Variants in RBM20 observed in about 807,000 individuals in gnomAD.
RBM20 encodes the protein RNA binding motif protein 20.
A neutral mutation model predicts 110.1 loss-of-function variants in RBM20; 51 were observed. The observed-to-expected ratio is 0.46, with a 90% CI of 0.37 to 0.59. The LOEUF (loss-of-function observed/expected upper bound fraction) is 0.59, where lower values mean the gene tolerates loss of function less well. RBM20 is among the 20% of genes least tolerant of loss of function. The pLI is 0.00. For synonymous variants in RBM20, 589 were observed against 618.2 expected, an observed-to-expected ratio of 0.95 and a Z score of 0.70; for missense variants, 1,512 against 1,574.9, an observed-to-expected ratio of 0.96 and a Z score of 0.68.
At chr10:110,787,319 C>T (rs1844430750) in intron 5 of RBM20, among the ~76,000 whole-genome samples, 1 of 152,232 alleles carries the variant, frequency 6.6e-6, no homozygotes, top group South Asian at 2.1e-4. Context: ...CCAGTATTGT[C>T]CTGCCCTTGT....
chr10:110,740,390 G>A (rs965010381), intron 1 of RBM20, among the ~76,000 whole-genome samples: 1 of 152,184 alleles, frequency 6.6e-6, no homozygotes, highest in Non-Finnish European at 1.5e-5. Context: ...GGGCAGAAGT[G>A]GCCCCTGGGG....
intron 1 of RBM20, among the ~76,000 whole-genome samples, chr10:110,728,631 G>T (rs796478409): frequency 4.1e-4 from 62 of 152,228 alleles, no homozygotes; most frequent in African/African-American, 1.3e-3. Context: ...TATTATCAGG[G>T]TGTGTTTTTG....
chr10:110,721,529 G>C (rs1225385348), intron 1 of RBM20, among the ~76,000 whole-genome samples: 1 of 152,152 alleles, frequency 6.6e-6, no homozygotes, highest in African/African-American at 2.4e-5. Flanking sequence ...GTTTGGGTCT[G>C]TCCAGGCATC....
intron 1 of RBM20, among the ~76,000 whole-genome samples, chr10:110,645,716 A>G (rs1861858676): frequency 6.6e-6 from 1 of 152,222 alleles, no homozygotes; most frequent in African/African-American, 2.4e-5. Flanking sequence ...TATCTAATAG[A>G]AAGAATTGTG....
At chr10:110,757,921 G>A (rs111250305) in intron 1 of RBM20, among the ~76,000 whole-genome samples, 29 of 148,870 alleles carry the variant, frequency 1.9e-4, no homozygotes, top group Middle Eastern at 3.5e-3. Flanking sequence ...CCTACTGTGA[G>A]TTGTTTATTC....
chr10:110,826,531 T>C (rs1054690555), intron 12 of RBM20, among the ~76,000 whole-genome samples: 2 of 152,160 alleles, frequency 1.3e-5, no homozygotes, highest in Non-Finnish European at 2.9e-5. Flanking sequence ...CTCAACATCA[T>C]TGAGATTCAT....
intron 1 of RBM20, among the ~76,000 whole-genome samples, chr10:110,767,208 G>A (rs1285576681): frequency 3.5e-4 from 44 of 126,834 alleles, no homozygotes; most frequent in African/African-American, 1.3e-3. Context: ...TGGCCGGGCG[G>A]GGGGGCTGAC....
intron 1 of RBM20, among the ~76,000 whole-genome samples, chr10:110,779,571 G>A (rs181803323): frequency 4.6e-5 from 7 of 152,350 alleles, no homozygotes; most frequent in Admixed American, 4.6e-4. Flanking sequence ...TCAGAAGCAT[G>A]AGTAAAACAA....
At chr10:110,828,332 A>T (rs1845007928) in intron 12 of RBM20, among the ~76,000 whole-genome samples, 1 of 152,124 alleles carries the variant, frequency 6.6e-6, no homozygotes, top group African/African-American at 2.4e-5. Flanking sequence ...GCCATGGGAT[A>T]TGTGGTGTCT....
At chr10:110,762,734 C>T (rs1844022959) in intron 1 of RBM20, among the ~76,000 whole-genome samples, 1 of 152,314 alleles carries the variant, frequency 6.6e-6, no homozygotes, top group South Asian at 2.1e-4. Flanking sequence ...TTTTTAACCA[C>T]TGCACATCAC....
Position 110,744,899 on chromosome 10 carries a change from T to C in RBM20, c.192-35902T>C, listed in dbSNP as rs376553655. On this transcript the variant is annotated intron_variant, in intron 1 of 13. Coordinates refer to ENST00000369519, the MANE Select transcript of RBM20 (RefSeq NM_001134363.3). ...CACCATGTGGGTCAAGAGGCTTGTGTTCAGGACAGCTGAAGGGATGGCCTT... is the reference window on the plus strand; with the variant it reads ...CACCATGTGGGTCAAGAGGCTTGTGCTCAGGACAGCTGAAGGGATGGCCTT... 4.1e-4 allele frequency among the ~76,000 whole-genome samples: 62 copies of C among 152,308 alleles called. 2 individuals carry two copies. The South Asian group carries it at 0.012, about 30-fold the overall frequency.
intron 1 of RBM20, among the ~76,000 whole-genome samples, chr10:110,729,494 A>G (rs1214865286): frequency 6.6e-6 from 1 of 152,180 alleles, no homozygotes; most frequent in Non-Finnish European, 1.5e-5. Context: ...TTTCACAATT[A>G]TTTGACAGTT....
intron 7 of RBM20, among the ~76,000 whole-genome samples, chr10:110,806,781 T>C (rs776528183): frequency 9.9e-5 from 15 of 152,240 alleles, no homozygotes; most frequent in Non-Finnish European, 1.5e-4. Context: ...AATTTTATCA[T>C]AGACCTACTC....
chr10:110,832,743 G>A (rs1249329076), intron 13 of RBM20, among the ~76,000 whole-genome samples: 1 of 152,094 alleles, frequency 6.6e-6, no homozygotes, highest in Non-Finnish European at 1.5e-5. Flanking sequence ...TCATGGCCTG[G>A]GTCACCATGT....
At chr10:110,733,592 CA>C (rs1201181927) in intron 1 of RBM20, among the ~76,000 whole-genome samples, 2 of 152,232 alleles carry the variant, frequency 1.3e-5, no homozygotes, top group African/African-American at 4.8e-5. Flanking sequence ...CATGGTTAAT[CA>C]GGGGTGCATT....
chr10:110,806,238 A>G (rs1480290459), intron 7 of RBM20, among the ~76,000 whole-genome samples: 3 of 151,406 alleles, frequency 2.0e-5, no homozygotes, highest in Non-Finnish European at 4.4e-5. Context: ...ACTGCACTCC[A>G]GCCTGGGACA....
At position 110,821,775 on chromosome 10, in the gene RBM20, A is replaced by G. The variant is rs2135122217; in HGVS notation, c.3156A>G (p.Ala1052=). 2.6e-6 allele frequency: 4 copies of G among 1,551,790 alleles called. No individual in the cohort carries two copies. The highest frequency in any genetic ancestry group is 2.0e-5 in the Admixed American group (1 of 51,010). ...TVQQMSSPKP[A]EERARQPSPF... ...AGCAAATGTCTTCCCCTAAGCCAGCAGAGGAGAGGGCCCGGCAGCCAAGCC... is the reference window on the plus strand; with the variant it reads ...AGCAAATGTCTTCCCCTAAGCCAGCGGAGGAGAGGGCCCGGCAGCCAAGCC... Residue 1052 remains alanine, a synonymous_variant, in exon 11 of 14, where the codon GCA becomes GCG. Transcript: ENST00000369519.
intron 12 of RBM20, among the ~76,000 whole-genome samples, chr10:110,824,304 G>A (rs1844954917): frequency 6.6e-6 from 1 of 152,150 alleles, no homozygotes; most frequent in Non-Finnish European, 1.5e-5. Flanking sequence ...AACTTCGTCT[G>A]CTATTGTTCA....
At chr10:110,715,822 G>T (rs1863007083) in intron 1 of RBM20, among the ~76,000 whole-genome samples, 1 of 152,118 alleles carries the variant, frequency 6.6e-6, no homozygotes, top group South Asian at 2.1e-4. Context: ...AGTACTGAAG[G>T]GTCTCACCCC....
Sources: gnomAD v4.1 joint callset for allele counts (sites outside exome capture counted in the v4.1 genomes callset) on GRCh38, gnomAD v4.1.1 for gene constraint, MANE v1.5 for transcripts, NCBI Gene and HGNC (gene_info 2026-07-23, HGNC 2026-07-21) for gene names.